The following PRIM2 variants were observed in gnomAD, a reference collection of about 807,000 sequenced individuals.
The protein encoded by PRIM2 is DNA primase subunit 2.
Under a neutral mutation model 67.3 loss-of-function variants are expected in PRIM2, and 39 were observed. That is an observed-to-expected ratio of 0.58 (90% CI 0.45 to 0.76). The LOEUF (loss-of-function observed/expected upper bound fraction) is 0.76, where lower values mean the gene tolerates loss of function less well. PRIM2 is among the 30% of genes least tolerant of loss of function. The probability of loss-of-function intolerance (pLI) is 0.00; values close to 1 mark genes in which losing one functional copy is unlikely to be tolerated. For synonymous variants in PRIM2, 143 were observed against 198.7 expected, an observed-to-expected ratio of 0.72 and a Z score of 2.36; for missense variants, 398 against 598.7, an observed-to-expected ratio of 0.66 and a Z score of 3.50.
intron 7 of PRIM2, among the ~76,000 whole-genome samples, chr6:57,392,150 G>A (rs553594286): frequency 7.2e-5 from 11 of 152,134 alleles, no homozygotes; most frequent in African/African-American, 2.6e-4. Context: ...GAATGGGATT[G>A]CCTTGTTGAT....
chr6:57,243,372 A>T, the PRIM2 span, among the ~76,000 whole-genome samples: 1 of 152,168 alleles, frequency 6.6e-6, no homozygotes, highest in African/African-American at 2.4e-5. Flanking sequence ...TGAGGAAAGG[A>T]ATGATGTTGG....
At chr6:57,505,677 C>T (rs1562778788) in intron 7 of PRIM2, among the ~76,000 whole-genome samples, 1 of 152,050 alleles carries the variant, frequency 6.6e-6, no homozygotes, top group Non-Finnish European at 1.5e-5. Context: ...GCAGAAACAA[C>T]AGTGGAGATG....
intron 10 of PRIM2, among the ~76,000 whole-genome samples, chr6:57,554,768 G>A (rs1775477771): frequency 6.6e-6 from 1 of 152,200 alleles, no homozygotes; most frequent in South Asian, 2.1e-4. Flanking sequence ...TGAAGGATAT[G>A]CTACTTCATG....
intron 11 of PRIM2, among the ~76,000 whole-genome samples, chr6:57,603,775 T>C (rs1437481092): frequency 1.3e-5 from 2 of 151,616 alleles, no homozygotes; most frequent in African/African-American, 2.4e-5. Context: ...CTTAGGGTGG[T>C]ATGGCCATTT....
intron 5 of PRIM2, among the ~76,000 whole-genome samples, chr6:57,333,383 T>G (rs1768121112): frequency 6.6e-6 from 1 of 152,208 alleles, no homozygotes; most frequent in African/African-American, 2.4e-5. Context: ...AGAGTTGCTC[T>G]TGAGAAGCCT....
intron 7 of PRIM2, among the ~76,000 whole-genome samples, chr6:57,491,299 A>G (rs1773884293): frequency 6.6e-6 from 1 of 152,228 alleles, no homozygotes; most frequent in African/African-American, 2.4e-5. Flanking sequence ...GAAATCACCT[A>G]TATAACGTAT....
intron 5 of PRIM2, among the ~76,000 whole-genome samples, chr6:57,341,982 T>C (rs1768509374): frequency 6.6e-6 from 1 of 152,252 alleles, no homozygotes; most frequent in Admixed American, 6.5e-5. Context: ...CTGCAGTTGC[T>C]TTTATGTTGA....
At chr6:57,241,848 A>G in the PRIM2 span, among the ~76,000 whole-genome samples, 1 of 151,610 alleles carries the variant, frequency 6.6e-6, no homozygotes, top group Non-Finnish European at 1.5e-5. Context: ...AATTTTTTGT[A>G]TTTTTAGTAG....
chr6:57,235,733 T>G, the PRIM2 span, among the ~76,000 whole-genome samples: 4 of 152,080 alleles, frequency 2.6e-5, no homozygotes, highest in Non-Finnish European at 4.4e-5. Flanking sequence ...GTGGGCCCAG[T>G]GCAAGCATAA....
chr6:57,472,464 G>A (rs1429761650), intron 7 of PRIM2, among the ~76,000 whole-genome samples: 2 of 151,978 alleles, frequency 1.3e-5, no homozygotes, highest in Non-Finnish European at 2.9e-5. Context: ...CTCCTAAAGA[G>A]GGCCTTTCTG....
At chr6:57,529,068 TG>T (rs1198853927) in intron 8 of PRIM2, among the ~76,000 whole-genome samples, 3 of 152,150 alleles carry the variant, frequency 2.0e-5, no homozygotes, top group Non-Finnish European at 4.4e-5. Flanking sequence ...CCCAGCACTT[TG>T]GGAGGCCGAG....
chr6:57,306,775 T>C, the PRIM2 span, among the ~76,000 whole-genome samples: 1 of 152,318 alleles, frequency 6.6e-6, no homozygotes, highest in South Asian at 2.1e-4. Flanking sequence ...AGTTAACCAC[T>C]ATCTTGAATT....
intron 7 of PRIM2, among the ~76,000 whole-genome samples, chr6:57,490,791 G>C (rs1773870247): frequency 6.6e-6 from 1 of 152,146 alleles, no homozygotes; most frequent in African/African-American, 2.4e-5. Flanking sequence ...TTTTTGAAGA[G>C]ACATCTCACT....
chr6:57,466,275 T>C (rs2127399791), intron 7 of PRIM2, among the ~76,000 whole-genome samples: 1 of 152,350 alleles, frequency 6.6e-6, no homozygotes, highest in African/African-American at 2.4e-5. Flanking sequence ...AGTGCTGCAA[T>C]AAACATACAT....
At chr6:57,332,137 G>A (rs1208113733) in intron 5 of PRIM2, among the ~76,000 whole-genome samples, 1 of 151,620 alleles carries the variant, frequency 6.6e-6, no homozygotes, top group East Asian at 1.9e-4. Flanking sequence ...TTTTTACTTT[G>A]ACACATTGAT....
chr6:57,420,719 G>A (rs1418184405), intron 7 of PRIM2, among the ~76,000 whole-genome samples: 1 of 152,072 alleles, frequency 6.6e-6, no homozygotes, highest in Non-Finnish European at 1.5e-5. Context: ...ATGGGGACTT[G>A]GTATCAGATT....
chr6:57,488,442 C>T (rs1274371435), intron 7 of PRIM2, among the ~76,000 whole-genome samples: 1 of 152,168 alleles, frequency 6.6e-6, no homozygotes, highest in East Asian at 1.9e-4. Context: ...ACCAGGGTTT[C>T]AAAGCTGGGC....
intron 4 of PRIM2, among the ~76,000 whole-genome samples, chr6:57,325,497 T>C (rs2127274863): frequency 6.6e-6 from 1 of 152,258 alleles, no homozygotes; most frequent in African/African-American, 2.4e-5. Context: ...TTTTACCAAC[T>C]TGCCCAGGCT....
At chr6:57,263,105 C>A in the PRIM2 span, among the ~76,000 whole-genome samples, 2 of 152,088 alleles carry the variant, frequency 1.3e-5, no homozygotes, top group Admixed American at 6.6e-5. Context: ...ACTATTATCA[C>A]GTAAATAGGA....
Sources: allele counts gnomAD v4.1 joint callset (sites outside exome capture counted in the v4.1 genomes callset), GRCh38; gene constraint gnomAD v4.1.1; transcripts MANE v1.5; gene names NCBI Gene and HGNC (gene_info 2026-07-23, HGNC 2026-07-21).